The following AFTPH variants were observed in gnomAD, a reference collection of about 807,000 sequenced individuals.
The protein encoded by AFTPH is aftiphilin protein.
A neutral mutation model predicts 72.5 loss-of-function variants in AFTPH; 7 were observed. That is an observed-to-expected ratio of 0.10 (90% CI 0.05 to 0.18). The LOEUF is 0.18. AFTPH is among the 10% of genes least tolerant of loss of function. The pLI is 1.00. For synonymous variants in AFTPH, 337 were observed against 370.1 expected (o/e 0.91, Z 1.03); for missense variants, 979 against 1,060.5 (o/e 0.92, Z 1.07).
chr2:64,538,346 A>G (rs1308413402), intron 1 of AFTPH, among the ~76,000 whole-genome samples: 2 of 152,214 alleles, frequency 1.3e-5, no homozygotes, highest in East Asian at 1.9e-4. Context: ...ACCATCATTA[A>G]AAAAGGTCAA....
intron 1 of AFTPH, among the ~76,000 whole-genome samples, chr2:64,535,071 G>A (rs1669815806): frequency 6.6e-6 from 1 of 152,138 alleles, no homozygotes; most frequent in African/African-American, 2.4e-5. Flanking sequence ...TCAGATAAAT[G>A]TGTACAACAC....
intron 2 of AFTPH, among the ~76,000 whole-genome samples, chr2:64,557,251 T>C (rs1445524955): frequency 1.3e-5 from 2 of 152,214 alleles, no homozygotes; most frequent in Non-Finnish European, 2.9e-5. Flanking sequence ...AATTTTAAAA[T>C]ATTGTTCTGG....
chr2:64,533,643 G>A (rs576273336), intron 1 of AFTPH, among the ~76,000 whole-genome samples: 1 of 152,078 alleles, frequency 6.6e-6, no homozygotes, highest in South Asian at 2.1e-4. Flanking sequence ...GAAAGGAAAA[G>A]GTAAGTCTAC....
intron 1 of AFTPH, among the ~76,000 whole-genome samples, chr2:64,549,721 T>A (rs1345262593): frequency 6.6e-6 from 1 of 152,154 alleles, no homozygotes; most frequent in African/African-American, 2.4e-5. Flanking sequence ...CTATTACAAA[T>A]TAATTAGTAT....
chr2:64,589,375 C>T (rs1673690515), intron 8 of AFTPH, among the ~76,000 whole-genome samples: 1 of 152,104 alleles, frequency 6.6e-6, no homozygotes, highest in Admixed American at 6.5e-5. Flanking sequence ...TTCCTGGACT[C>T]TCAATTATAT....
In AFTPH at chr2:64,545,570, T is replaced by TAAAAAAAAAAAA. The variant is rs58124855; in HGVS notation, c.-32-5842_-32-5831dup. On this transcript the variant is annotated intron_variant, in intron 1 of 8. Transcript: ENST00000238856. Reference sequence around the variant, plus strand: ...CTGTACAATGGAATGCCACCAGCAGTAAAAAAAAAAAAAAAAAAAAAAAAA... The same window carrying TAAAAAAAAAAAA: ...CTGTACAATGGAATGCCACCAGCAGTAAAAAAAAAAAAAAAAAAAAAAAAAAAAAAAAAAAAA... Among the ~76,000 whole-genome samples, 3 of 24,198 alleles carry TAAAAAAAAAAAA rather than the reference T, an allele frequency of 1.2e-4. 1 individual carries two copies. The highest frequency in any genetic ancestry group is 3.4e-4 in the Non-Finnish European group (3 of 8,910). 15.9% of individuals were successfully genotyped at this position (24,198 alleles called of 152,430 possible).
At chr2:64,539,464 C>T (rs1376093809) in intron 1 of AFTPH, among the ~76,000 whole-genome samples, 1 of 152,114 alleles carries the variant, frequency 6.6e-6, no homozygotes, top group East Asian at 1.9e-4. Context: ...GGTTGTTTGT[C>T]CCACATTCAT....
chr2:64,571,588 T>G (rs192711048), intron 5 of AFTPH, among the ~76,000 whole-genome samples: 2 of 152,340 alleles, frequency 1.3e-5, no homozygotes, highest in African/African-American at 4.8e-5. Context: ...ACTGTTTTAG[T>G]TAGTTTACAC....
intron 2 of AFTPH, 91 bp downstream of exon 2, chr2:64,553,500 G>A (rs1671174093): frequency 7.2e-7 from 1 of 1,381,316 alleles, no homozygotes; most frequent in Non-Finnish European, 9.6e-7. Flanking sequence ...TTTCAACTGA[G>A]TACTTGTTAA....
chr2:64,536,466 G>A (rs1393918066), intron 1 of AFTPH, among the ~76,000 whole-genome samples: 1 of 151,782 alleles, frequency 6.6e-6, no homozygotes, highest in Admixed American at 6.6e-5. Flanking sequence ...TTGCTCAGGA[G>A]GTTGAGGTGG....
intron 6 of AFTPH, among the ~76,000 whole-genome samples, chr2:64,573,495 C>G (rs1182255153): frequency 1.3e-5 from 2 of 151,186 alleles, no homozygotes; most frequent in Non-Finnish European, 2.9e-5. Context: ...TATAAGTCTG[C>G]TATTGTATGT....
At chr2:64,533,868 G>A (rs992770824) in intron 1 of AFTPH, among the ~76,000 whole-genome samples, 3 of 151,992 alleles carry the variant, frequency 2.0e-5, no homozygotes, top group Non-Finnish European at 2.9e-5. Context: ...TCTGTATTTA[G>A]GTAATAAAAG....
chr2:64,586,487 T>C (rs2104243088), intron 8 of AFTPH, among the ~76,000 whole-genome samples: 1 of 152,314 alleles, frequency 6.6e-6, no homozygotes, highest in Middle Eastern at 3.4e-3. Flanking sequence ...TTGTGAATAA[T>C]AAATGTTTCT....
At chr2:64,546,998 G>A (rs986928758) in intron 1 of AFTPH, among the ~76,000 whole-genome samples, 17 of 152,056 alleles carry the variant, frequency 1.1e-4, no homozygotes, top group African/African-American at 3.4e-4. Flanking sequence ...GCAGTGAGCC[G>A]AGATCGTGCC....
chr2:64,539,581 A>C (rs148101099), intron 1 of AFTPH, among the ~76,000 whole-genome samples: 206 of 152,296 alleles, frequency 1.4e-3, no homozygotes, highest in African/African-American at 4.5e-3. Flanking sequence ...TGGTTATAGA[A>C]ATCTAATTGG....
At chr2:64,561,038 A>G (rs926953485) in intron 2 of AFTPH, among the ~76,000 whole-genome samples, 2 of 152,236 alleles carry the variant, frequency 1.3e-5, no homozygotes, top group African/African-American at 4.8e-5. Context: ...ATAGGTATGA[A>G]CTAGTCTAAG....
chr2:64,564,490 T>C (rs930083704), intron 2 of AFTPH, among the ~76,000 whole-genome samples: 4 of 152,074 alleles, frequency 2.6e-5, no homozygotes, highest in African/African-American at 9.7e-5. Flanking sequence ...GGTAGACGCC[T>C]ATAATCCCAG....
chr2:64,586,905 CA>C (rs1328494980), intron 8 of AFTPH, among the ~76,000 whole-genome samples: 1 of 152,044 alleles, frequency 6.6e-6, no homozygotes, highest in Non-Finnish European at 1.5e-5. Flanking sequence ...ACTTAAAAAC[CA>C]AAAAGGATGC....
chr2:64,535,157 C>G (rs936504923), intron 1 of AFTPH, among the ~76,000 whole-genome samples: 5 of 152,128 alleles, frequency 3.3e-5, no homozygotes, highest in Admixed American at 3.3e-4. Context: ...CAGTGATTTA[C>G]CTATATCAAT....
Sources: allele counts gnomAD v4.1 joint callset (sites outside exome capture counted in the v4.1 genomes callset), GRCh38; gene constraint gnomAD v4.1.1; transcripts MANE v1.5; gene names NCBI Gene and HGNC (gene_info 2026-07-23, HGNC 2026-07-21).